The following ARMC1 variants were observed in gnomAD, a reference collection of about 807,000 sequenced individuals.
ARMC1 encodes armadillo repeat containing 1.
ARMC1 carries 16 observed loss-of-function variants against 31.4 expected under a neutral mutation model. The ratio of observed to expected loss-of-function variants is 0.51; its 90% CI spans 0.34 to 0.77. The LOEUF (loss-of-function observed/expected upper bound fraction) is 0.77, where lower values mean the gene tolerates loss of function less well. Ranked by LOEUF, ARMC1 falls within the 30% of genes least tolerant of loss-of-function variation. The probability of loss-of-function intolerance (pLI) is 0.01; values close to 1 mark genes in which losing one functional copy is unlikely to be tolerated. For synonymous variants in ARMC1, 114 were observed against 118.9 expected (o/e 0.96, Z 0.27); for missense variants, 259 against 347.5 (o/e 0.75, Z 2.02).
At chr8:65,617,102 G>A (rs1363893150) in intron 3 of ARMC1, among the ~76,000 whole-genome samples, 1 of 152,252 alleles carries the variant, frequency 6.6e-6, no homozygotes, top group Non-Finnish European at 1.5e-5. Context: ...CTGCCCGGCG[G>A]CCACCCTGTC....
At chr8:65,616,722 G>T (rs142002471) in intron 3 of ARMC1, among the ~76,000 whole-genome samples, 1 of 151,412 alleles carries the variant, frequency 6.6e-6, no homozygotes, top group Non-Finnish European at 1.5e-5. Context: ...AGTCTGAGAT[G>T]TGGGGAGCGC....
In ARMC1 at chr8:65,613,343, A is replaced by G. The variant is rs141944423; in HGVS notation, c.366T>C (p.Asn122=). 2,064 of 1,612,720 alleles carry G rather than the reference A, an allele frequency of 1.3e-3. 30 individuals carry two copies. In the African/African-American group the frequency reaches 0.025, roughly 20 times the overall value. Residue 122 remains asparagine (N), a synonymous_variant, in exon 4 of 7, where the codon AAT becomes AAC. Coordinates refer to ENST00000276569, the MANE Select transcript of ARMC1 (RefSeq NM_018120.6). Reference sequence around the variant, plus strand: ...CTTTCCTTCGACGTGAATTCATCTCATTAAAACTATCACCATCTGCCATAT... The same window carrying G: ...CTTTCCTTCGACGTGAATTCATCTCGTTAAAACTATCACCATCTGCCATAT... ...SSNMADGDSF[N]EMNSRRRKAQ... is the part of the protein sequence containing the mutation.
rs201008780 is a variant in ARMC1 at position 65,623,786 on chromosome 8, CTTTTTTTTTTT to C, written c.184-1443_184-1433del. ...ATGCCAGAAGACAACAAAGTAAAAT[CTTTTTTTTTTT>C]TTTTTTTTTTTTTTGGTGTGATGGA... On this transcript the variant is annotated intron_variant, in intron 2 of 6. Coordinates refer to ENST00000276569, the MANE Select transcript of ARMC1 (RefSeq NM_018120.6). 3.4e-4 allele frequency among the ~76,000 whole-genome samples: 9 copies of C among 26,088 alleles called. No homozygotes were observed. The East Asian group carries it at 5.7e-3, about 17-fold the overall frequency. 17.1% of individuals were successfully genotyped at this position (26,088 alleles called of 152,430 possible). A position where few individuals can be genotyped will look rare whatever the true frequency, so the allele number is the denominator to read the frequency against.
intron 4 of ARMC1, among the ~76,000 whole-genome samples, chr8:65,612,999 T>C (rs989458781): frequency 1.3e-5 from 2 of 152,272 alleles, no homozygotes; most frequent in Non-Finnish European, 2.9e-5. Context: ...AATCTCTAAC[T>C]GTGGATTTTT....
At chr8:65,618,951 G>A (rs1808335340) in intron 3 of ARMC1, among the ~76,000 whole-genome samples, 1 of 152,056 alleles carries the variant, frequency 6.6e-6, no homozygotes, top group Non-Finnish European at 1.5e-5. Flanking sequence ...ACTGAGGCAG[G>A]AGAATCGCTT....
intron 4 of ARMC1, among the ~76,000 whole-genome samples, chr8:65,611,862 C>T (rs1808149721): frequency 6.6e-6 from 1 of 151,910 alleles, no homozygotes; most frequent in African/African-American, 2.4e-5. Context: ...CAACCTCCAC[C>T]TCCTGGGTTC....
chr8:65,612,249 G>A (rs1357417160), intron 4 of ARMC1, among the ~76,000 whole-genome samples: 1 of 152,090 alleles, frequency 6.6e-6, no homozygotes, highest in Non-Finnish European at 1.5e-5. Flanking sequence ...ATTGGTTGAG[G>A]CCAGGAGTCT....
chr8:65,615,214 T>C (rs1808223740), intron 3 of ARMC1, among the ~76,000 whole-genome samples: 1 of 152,164 alleles, frequency 6.6e-6, no homozygotes, highest in South Asian at 2.1e-4. Context: ...TGGGTGACTT[T>C]AGCCGTGTGT....
chr8:65,628,342 C>G (rs994409834), intron 1 of ARMC1, among the ~76,000 whole-genome samples: 2 of 151,540 alleles, frequency 1.3e-5, no homozygotes, highest in Non-Finnish European at 2.9e-5. Context: ...ACCTCCGCCT[C>G]CCGGTTCAAG....
Position 65,631,958 on chromosome 8 carries a change from A to G in ARMC1, c.-36+2040T>C, listed in dbSNP as rs551361017. ...AAATGAATATTTCAGGATTCAGTCT[A>G]TCCTACCCACTATATGCCCAATTTG... On this transcript the variant is annotated intron_variant, in intron 1 of 6. Transcript: ENST00000276569. Among the ~76,000 whole-genome samples, 4 of 151,790 alleles carry G rather than the reference A, an allele frequency of 2.6e-5. No individual in the cohort carries two copies. In the East Asian group the frequency reaches 5.8e-4, roughly 22 times the overall value.
intron 3 of ARMC1, among the ~76,000 whole-genome samples, chr8:65,615,047 T>C (rs1447687628): frequency 6.6e-6 from 1 of 152,236 alleles, no homozygotes; most frequent in Non-Finnish European, 1.5e-5. Context: ...ATTTAGTGAA[T>C]GAGTAGGAAT....
chr8:65,626,638 G>A (rs1808516724), intron 2 of ARMC1, among the ~76,000 whole-genome samples: 1 of 152,082 alleles, frequency 6.6e-6, no homozygotes, highest in African/African-American at 2.4e-5. Context: ...GTGTCTCTGT[G>A]TATGATATGA....
At chr8:65,632,054 G>A (rs1177238940) in intron 1 of ARMC1, among the ~76,000 whole-genome samples, 1 of 152,196 alleles carries the variant, frequency 6.6e-6, no homozygotes, top group Non-Finnish European at 1.5e-5. Context: ...CTGGATGGCA[G>A]TGGCAGAGCC....
intron 1 of ARMC1, chr8:65,632,825 CA>C (rs10708562): frequency 0.87 from 129,512 of 149,494 alleles, 56,404 homozygotes; most frequent in African/African-American, 0.96. Context: ...TACTCCGTCT[CA>C]AAAAAAAAAA....
chr8:65,608,822 T>C (rs961962631), intron 4 of ARMC1, among the ~76,000 whole-genome samples: 5 of 151,854 alleles, frequency 3.3e-5, no homozygotes, highest in Non-Finnish European at 7.4e-5. Context: ...GGCAGGAGAA[T>C]TGCTTGAACC....
intron 4 of ARMC1, among the ~76,000 whole-genome samples, chr8:65,610,453 T>G (rs1585704838): frequency 6.6e-6 from 1 of 152,202 alleles, no homozygotes; most frequent in South Asian, 2.1e-4. Flanking sequence ...CCCAACACTT[T>G]GGAGACCAAA....
intron 1 of ARMC1, among the ~76,000 whole-genome samples, chr8:65,630,822 A>G (rs1808627794): frequency 6.6e-6 from 1 of 151,876 alleles, no homozygotes; most frequent in Non-Finnish European, 1.5e-5. Flanking sequence ...CCGTCTAAAA[A>G]AAAAAATACA....
chr8:65,627,385 G>C lies in ARMC1; in HGVS notation c.14C>G (p.Thr5Ser), dbSNP rs527917277. 1 of 1,578,628 alleles carries C rather than the reference G, an allele frequency of 6.3e-7. No individual in the cohort carries two copies. The highest frequency in any genetic ancestry group is 1.9e-5 in the Admixed American group (1 of 52,728). The change falls in exon 2 of 7, where the codon ACT becomes AGT. Residue 5 changes from threonine (T) to serine (S), a missense_variant. Thr to Ser is a moderately conservative substitution (Grantham distance 58, BLOSUM62 1). This residue lies in a region of ARMC1 where 163 missense variants were observed against 186.7 expected (regional missense o/e 0.87). Transcript: ENST00000276569. Reference protein sequence around the residue: MNSSTSTMSEEPDAL... With the variant: MNSSSSTMSEEPDAL... ...GTCAGGCTCTTCACTCATGGTGGAA[G>C]TGGAAGAATTCATCTTCTATGCCAT...
intron 2 of ARMC1, among the ~76,000 whole-genome samples, chr8:65,623,586 C>A (rs970277686): frequency 6.6e-6 from 1 of 151,706 alleles, no homozygotes; most frequent in African/African-American, 2.4e-5. Context: ...CCAGCCTGGG[C>A]GACAGAGCAA....
Sources: gnomAD v4.1 joint callset for allele counts (sites outside exome capture counted in the v4.1 genomes callset) on GRCh38, gnomAD v4.1.1 for gene constraint, gnomAD v4.1.1 regional missense constraint, MANE v1.5 for transcripts, NCBI Gene and HGNC (gene_info 2026-07-23, HGNC 2026-07-21) for gene names.